ADAP1: variants seen among roughly 807,000 people sequenced by gnomAD.
ADAP1 encodes the protein arf-GAP with dual PH domain-containing protein 1.
Under a neutral mutation model 54.9 loss-of-function variants are expected in ADAP1, and 31 were observed. That is an observed-to-expected ratio of 0.56 (90% CI 0.42 to 0.76). ADAP1 has a LOEUF of 0.76. Ranked by LOEUF, ADAP1 falls within the 30% of genes least tolerant of loss-of-function variation. The probability of loss-of-function intolerance (pLI) is 0.00; values close to 1 mark genes in which losing one functional copy is unlikely to be tolerated. For synonymous variants in ADAP1, 313 were observed against 202.6 expected (o/e 1.55, Z -4.63); for missense variants, 535 against 512.4 (o/e 1.04, Z -0.42).
At position 906,730 on chromosome 7, in the gene ADAP1, TGGGGGACAGAGTACATAGGG is replaced by T. The variant is rs1845442121; in HGVS notation, c.389-1578_389-1559del. Among the ~76,000 whole-genome samples the T allele has an allele frequency of 1.5e-4, 10 of 66,956 alleles. 1 individual carries two copies. Among genetic ancestry groups the T allele is most frequent in the Admixed American group, 1.3e-3 (10 of 7,572 alleles). 43.9% of individuals were successfully genotyped at this position (66,956 alleles called of 152,430 possible). On this transcript the variant is annotated intron_variant, in intron 4 of 10. Coordinates refer to ENST00000265846, the MANE Select transcript of ADAP1 (RefSeq NM_006869.4). ...GGGACGGGACATCGGGGACGGGACATGGGGGACAGAGTACATAGGGGACATGGACAGGGGACATGGGGGAC... is the reference window on the plus strand; with the variant it reads ...GGGACGGGACATCGGGGACGGGACATGACATGGACAGGGGACATGGGGGAC...
At position 900,089 on chromosome 7, in the gene ADAP1, G is replaced by T; in HGVS notation, c.795+13C>A. On this transcript the variant is annotated intron_variant, in intron 8 of 10. Transcript: ENST00000265846. ...CCCCAGGCCACCCCAGGCCGCACGT[G>T]CGGCACACCCACCTTGGGCCCCGTC... 1 of 1,613,008 alleles carries T rather than the reference G, an allele frequency of 6.2e-7. No individual in the cohort carries two copies. Among genetic ancestry groups the T allele is most frequent in the Non-Finnish European group, 8.5e-7 (1 of 1,179,866 alleles).
intron 4 of ADAP1, among the ~76,000 whole-genome samples, chr7:906,486 GAAAGGGAAAGGAGAAAGGGAGA>G (rs1845350484): frequency 1.5e-5 from 1 of 66,526 alleles, no homozygotes; most frequent in African/African-American, 4.7e-5. Flanking sequence ...GGAGAAAGGA[GAAAGGGAAAGGAGAAAGGGAGA>G]AAGGAGAAAG....
intron 1 of ADAP1, among the ~76,000 whole-genome samples, chr7:940,850 T>C (rs1163782090): frequency 6.6e-6 from 1 of 151,816 alleles, no homozygotes; most frequent in Non-Finnish European, 1.5e-5. Flanking sequence ...TTCACCATAT[T>C]TACAGGTTAA....
chr7:905,275 G>GAGACAC, intron 4 of ADAP1, 103 bp from the exon 5 acceptor site: 1 of 456,614 alleles, frequency 2.2e-6, no homozygotes. Flanking sequence ...GAAGACACGG[G>GAGACAC]GGACACGGAC....
At chr7:918,928 G>A (rs994299590) in intron 4 of ADAP1, among the ~76,000 whole-genome samples, 3 of 44,616 alleles carry the variant, frequency 6.7e-5, no homozygotes, top group Non-Finnish European at 1.2e-4. Flanking sequence ...GGGGACTGCT[G>A]GGGGGCAGAG....
chr7:903,757 T>TCC (rs751553909), intron 6 of ADAP1, among the ~76,000 whole-genome samples: 3 of 151,916 alleles, frequency 2.0e-5, no homozygotes, highest in East Asian at 3.9e-4. Context: ...GGACCCCAGT[T>TCC]CCCCCCGAGG....
rs118071601 is a variant in ADAP1 at position 946,924 on chromosome 7, G to A, written c.82+7472C>T. Reference sequence around the variant, plus strand: ...GCCAAGGTGAACGGGTGGAGCCCAGGAGTTCGAGACCAGCCTGGGCAACAT... The same window carrying A: ...GCCAAGGTGAACGGGTGGAGCCCAGAAGTTCGAGACCAGCCTGGGCAACAT... On this transcript the variant is annotated intron_variant, in intron 1 of 10. Coordinates refer to ENST00000265846, the MANE Select transcript of ADAP1 (RefSeq NM_006869.4). The surrounding 1 kb of genome is among the most constrained non-coding windows in gnomAD (Gnocchi z 4.3). Among the ~76,000 whole-genome samples, 1,812 of 152,342 alleles carry A rather than the reference G, an allele frequency of 0.012. 14 individuals are homozygous for A. Among genetic ancestry groups the A allele is most frequent in the Non-Finnish European group, 0.017 (1,156 of 68,030 alleles).
chr7:934,529 A>G (rs1444653221), intron 2 of ADAP1, among the ~76,000 whole-genome samples: 1 of 152,214 alleles, frequency 6.6e-6, no homozygotes, highest in Admixed American at 6.5e-5. Context: ...TCCCACTCAC[A>G]GCAGTCAGGA....
At chr7:910,388 C>T (rs952187599) in intron 4 of ADAP1, among the ~76,000 whole-genome samples, 2 of 151,992 alleles carry the variant, frequency 1.3e-5, no homozygotes, top group Non-Finnish European at 2.9e-5. Context: ...TAGCTGGGAC[C>T]ACAGATGCAC....
rs77998307 is a variant in ADAP1 at position 940,037 on chromosome 7, G to A, written c.83-4532C>T. 0.016 allele frequency among the ~76,000 whole-genome samples: 2,400 copies of A among 152,168 alleles called. 135 individuals carry two copies. The East Asian group carries it at 0.23, about 15-fold the overall frequency. ...TCTTGCAACTGGCACAAGGTCCCCC[G>A]GTGTAAAGTTAGAGGTTGTCTGATG... On this transcript the variant is annotated intron_variant, in intron 1 of 10. Transcript: ENST00000265846.
chr7:918,596 T>A (rs1484633443), intron 4 of ADAP1, among the ~76,000 whole-genome samples: 2 of 152,106 alleles, frequency 1.3e-5, no homozygotes, highest in Non-Finnish European at 2.9e-5. Flanking sequence ...TGGGGGCTGC[T>A]TCCTTCCTCA....
rs1034886130 is a variant in ADAP1, at chr7:898,603, G to T, written c.*318C>A. ...CCCACAGCCGTGGTGGGCGGCTCCT[G>T]GGGGCTGTGTCTGAGCTCGGGAGCC... On this transcript the variant is annotated 3_prime_UTR_variant, in exon 11 of 11. Transcript: ENST00000265846. 4.4e-6 allele frequency: 2 copies of T among 450,612 alleles called. No homozygotes were observed. Among genetic ancestry groups the T allele is most frequent in the South Asian group, 2.2e-5 (1 of 46,252 alleles). 27.9% of individuals were successfully genotyped at this position (450,612 alleles called of 1,614,324 possible). A position where few individuals can be genotyped will look rare whatever the true frequency, so the allele number is the denominator to read the frequency against.
intron 6 of ADAP1, 31 bp from the exon 7 acceptor site, chr7:900,647 TGAG>T: frequency 1.3e-6 from 2 of 1,492,854 alleles, no homozygotes; most frequent in East Asian, 2.5e-5. Context: ...AGGCTTGGGC[TGAG>T]GAGGCTGCAG....
In ADAP1 at chr7:906,521, GAAAGGGA is replaced by G. The variant is rs1562914507; in HGVS notation, c.389-1356_389-1350del. ...GGAGAAAGGGAGAAAGGAGAAAGGA[GAAAGGGA>G]AAGGAGAAAGGAGAAGGGAGAAAGG... On this transcript the variant is annotated intron_variant, in intron 4 of 10. Coordinates refer to ENST00000265846, the MANE Select transcript of ADAP1 (RefSeq NM_006869.4). Among the ~76,000 whole-genome samples, 74 of 61,726 alleles carry G rather than the reference GAAAGGGA, an allele frequency of 1.2e-3. 19 individuals carry two copies. The highest frequency in any genetic ancestry group is 1.9e-3 in the Non-Finnish European group (57 of 29,376). The allele number at this position is 61,726 out of a possible 152,430, so 40.5% of individuals were successfully genotyped here.
At chr7:923,208 C>G (rs1846252435) in intron 3 of ADAP1, 1 of 151,980 alleles carries the variant, frequency 6.6e-6, no homozygotes. Context: ...GTGCTGTGTT[C>G]CAGGAGCCCC....
chr7:902,068 G>A (rs888152749), intron 6 of ADAP1, among the ~76,000 whole-genome samples: 1 of 152,090 alleles, frequency 6.6e-6, no homozygotes, highest in African/African-American at 2.4e-5. Flanking sequence ...ACAGCTGGGG[G>A]CCAAGCGTCT....
rs1562934058 is a variant in ADAP1 at position 937,124 on chromosome 7, ACCTCTGGGATTTGGGGGTCACGCCCGG to A, written c.83-1646_83-1620del. On this transcript the variant is annotated intron_variant, in intron 1 of 10. Coordinates refer to ENST00000265846, the MANE Select transcript of ADAP1 (RefSeq NM_006869.4). ...GCCTCGGATTTGGGGGTCACGCCCG[ACCTCTGGGATTTGGGGGTCACGCCCGG>A]CCTCTGGGATTTGGGGGTCACGCCC... Among the ~76,000 whole-genome samples the A allele has an allele frequency of 1.8e-3, 77 of 43,394 alleles. 3 individuals are homozygous for A. Among genetic ancestry groups the A allele is most frequent in the East Asian group, 6.3e-3 (6 of 950 alleles). 28.5% of individuals were successfully genotyped at this position (43,394 alleles called of 152,430 possible).
intron 4 of ADAP1, among the ~76,000 whole-genome samples, chr7:908,332 G>A (rs572467534): frequency 1.3e-5 from 2 of 152,314 alleles, no homozygotes; most frequent in Admixed American, 6.5e-5. Context: ...TTTCTCTGCT[G>A]AGATGCAAGC....
At chr7:932,384 C>G (rs1846613606) in intron 2 of ADAP1, among the ~76,000 whole-genome samples, 1 of 152,188 alleles carries the variant, frequency 6.6e-6, no homozygotes, top group Non-Finnish European at 1.5e-5. Flanking sequence ...AGTGAACGCC[C>G]CACCCCTGGG....
Sources: gnomAD v4.1 joint callset for allele counts (sites outside exome capture counted in the v4.1 genomes callset) on GRCh38, gnomAD v4.1.1 for gene constraint, Gnocchi (gnomAD v3.1) non-coding constraint, MANE v1.5 for transcripts, NCBI Gene and HGNC (gene_info 2026-07-23, HGNC 2026-07-21) for gene names.